Variants in PRKD1 observed in about 807,000 individuals in gnomAD.
PRKD1 encodes protein kinase D1, also known as serine/threonine-protein kinase D1.
Under a neutral mutation model 95.9 loss-of-function variants are expected in PRKD1, and 63 were observed. The observed-to-expected ratio is 0.66, with a 90% CI of 0.54 to 0.81. The LOEUF (loss-of-function observed/expected upper bound fraction) is 0.81, where lower values mean the gene tolerates loss of function less well. Among genes scored for constraint, PRKD1 ranks in the 30% least tolerant of loss-of-function variants. The probability of loss-of-function intolerance (pLI) is 0.00; values close to 1 mark genes in which losing one functional copy is unlikely to be tolerated. For synonymous variants in PRKD1, 425 were observed against 423.1 expected (o/e 1.00, Z -0.05); for missense variants, 1,048 against 1,165.3 (o/e 0.90, Z 1.47).
chr14:29,663,766 G>A lies in PRKD1; in HGVS notation c.629C>T (p.Thr210Ile). 1.2e-6 allele frequency: 2 copies of A among 1,614,062 alleles called. No individual in the cohort carries two copies. The highest frequency in any genetic ancestry group is 2.2e-5 in the South Asian group (2 of 91,074). Residue 210 changes from threonine (T) to isoleucine (I), a missense_variant, in exon 4 of 18, where the codon ACT (threonine) becomes ATT (isoleucine). By Grantham distance (89) the Thr-to-Ile change is moderately conservative. Around this residue, in one of 3 missense-constraint regions of PRKD1, gnomAD observed 275 missense variants for 248.6 expected, o/e 1.11. Transcript: ENST00000331968. The part of the protein sequence containing the change: ...RRRRLSNVSL[T>I]GVSTIRTSSA... ...TGATGTGCGGATGGTGCTGACCCCA[G>A]TGAGGGAAACGTTTGAGAGCCTTCT...
At chr14:29,848,567 A>G (rs1374655261) in intron 1 of PRKD1, among the ~76,000 whole-genome samples, 1 of 151,930 alleles carries the variant, frequency 6.6e-6, no homozygotes, top group Non-Finnish European at 1.5e-5. Flanking sequence ...AATTTTAAAA[A>G]GTATAAGGAA....
chr14:29,754,797 A>G (rs2139470224), intron 1 of PRKD1, among the ~76,000 whole-genome samples: 1 of 152,218 alleles, frequency 6.6e-6, no homozygotes, highest in South Asian at 2.1e-4. Flanking sequence ...AGACTGATTC[A>G]GCTATTTGTG....
intron 1 of PRKD1, among the ~76,000 whole-genome samples, chr14:29,847,234 C>T (rs1594573231): frequency 6.6e-6 from 1 of 152,174 alleles, no homozygotes; most frequent in African/African-American, 2.4e-5. Context: ...TATATTACCA[C>T]AGTAATTACA....
At chr14:29,713,316 C>T (rs1885424717) in intron 2 of PRKD1, among the ~76,000 whole-genome samples, 1 of 152,092 alleles carries the variant, frequency 6.6e-6, no homozygotes, top group Admixed American at 6.6e-5. Flanking sequence ...CATTTTTAAA[C>T]CTGCATTCAG....
At chr14:29,696,745 G>C (rs2139313616) in intron 2 of PRKD1, among the ~76,000 whole-genome samples, 1 of 152,216 alleles carries the variant, frequency 6.6e-6, no homozygotes, top group Non-Finnish European at 1.5e-5. Flanking sequence ...GAAATATTCA[G>C]TCATCTCAAT....
rs45473091 is a variant in PRKD1 at position 29,759,305 on chromosome 14, A to G, written c.265-33631T>C. Among the ~76,000 whole-genome samples, 1,215 of 152,276 alleles carry G rather than the reference A, an allele frequency of 8.0e-3. 18 individuals are homozygous for G. Among genetic ancestry groups the G allele is most frequent in the African/African-American group, 0.027 (1,125 of 41,552 alleles). ...GTAATTGGGAATATTCCATGTGCAC[A>G]CCTGAAAGAGCATGTCAATCACCTG... On this transcript the variant is annotated intron_variant, in intron 1 of 17. Coordinates refer to ENST00000331968, the MANE Select transcript of PRKD1 (RefSeq NM_002742.3).
At chr14:29,612,803 T>C (rs962105736) in intron 13 of PRKD1, among the ~76,000 whole-genome samples, 4 of 152,148 alleles carry the variant, frequency 2.6e-5, no homozygotes, top group Non-Finnish European at 5.9e-5. Context: ...AATAGTTTCA[T>C]AAAAATTCAT....
chr14:29,778,321 C>A (rs1339570176), intron 1 of PRKD1, among the ~76,000 whole-genome samples: 1 of 151,996 alleles, frequency 6.6e-6, no homozygotes, highest in African/African-American at 2.4e-5. Flanking sequence ...ACACAAAAAA[C>A]CCTTCAAAAA....
At chr14:29,703,428 G>A (rs1009568909) in intron 2 of PRKD1, among the ~76,000 whole-genome samples, 1 of 152,114 alleles carries the variant, frequency 6.6e-6, no homozygotes, top group Non-Finnish European at 1.5e-5. Context: ...TGGGTTTTGG[G>A]ACAGTTTCTA....
At chr14:29,899,481 T>C (rs1243148578) in intron 1 of PRKD1, among the ~76,000 whole-genome samples, 1 of 152,040 alleles carries the variant, frequency 6.6e-6, no homozygotes, top group Non-Finnish European at 1.5e-5. Flanking sequence ...ACCCCATCTC[T>C]ACTAAAAATA....
intron 16 of PRKD1, among the ~76,000 whole-genome samples, chr14:29,592,432 A>G (rs1333422000): frequency 1.3e-5 from 2 of 152,208 alleles, no homozygotes; most frequent in Non-Finnish European, 2.9e-5. Flanking sequence ...ACTCTGTTAC[A>G]TATTGCTTAT....
At chr14:29,701,990 C>A (rs1421708695) in intron 2 of PRKD1, among the ~76,000 whole-genome samples, 1 of 151,990 alleles carries the variant, frequency 6.6e-6, no homozygotes, top group African/African-American at 2.4e-5. Flanking sequence ...GAAATAAATT[C>A]CTTTGAAATT....
At chr14:29,744,450 C>T (rs1203001990) in intron 1 of PRKD1, among the ~76,000 whole-genome samples, 1 of 152,166 alleles carries the variant, frequency 6.6e-6, no homozygotes, top group Non-Finnish European at 1.5e-5. Context: ...GTCCAAGCCA[C>T]AACCTCTCCA....
intron 13 of PRKD1, among the ~76,000 whole-genome samples, chr14:29,621,627 C>T (rs1215100267): frequency 6.6e-6 from 1 of 152,214 alleles, no homozygotes; most frequent in East Asian, 1.9e-4. Context: ...ATTGAAAATT[C>T]GGTACATAAA....
intron 1 of PRKD1, among the ~76,000 whole-genome samples, chr14:29,878,538 T>G (rs1893388437): frequency 6.6e-6 from 1 of 152,024 alleles, no homozygotes; most frequent in Non-Finnish European, 1.5e-5. Context: ...ATAAACCAAC[T>G]GCAGTATATA....
intron 1 of PRKD1, among the ~76,000 whole-genome samples, chr14:29,742,742 A>T (rs1194860252): frequency 6.6e-6 from 1 of 152,236 alleles, no homozygotes; most frequent in Non-Finnish European, 1.5e-5. Flanking sequence ...TTTTTCATGC[A>T]TATAATCGAT....
intron 4 of PRKD1, 132 bp downstream of exon 4, chr14:29,663,567 C>T (rs1011549403): frequency 6.8e-6 from 7 of 1,029,328 alleles, no homozygotes; most frequent in Non-Finnish European, 1.0e-5. Context: ...AGCACAAGCC[C>T]TGAAGAAACA....
intron 1 of PRKD1, among the ~76,000 whole-genome samples, chr14:29,826,262 A>G (rs1487383126): frequency 0.012 from 72 of 6,032 alleles, 1 homozygote; most frequent in Middle Eastern, 0.33. Flanking sequence ...TGGAATATAT[A>G]TATACATATA....
At chr14:29,581,285 C>T (rs1413627590) in intron 16 of PRKD1, among the ~76,000 whole-genome samples, 1 of 152,108 alleles carries the variant, frequency 6.6e-6, no homozygotes, top group African/African-American at 2.4e-5. Context: ...GTGATCATCA[C>T]TGACCAACAT....
Sources: gnomAD v4.1 joint callset for allele counts (sites outside exome capture counted in the v4.1 genomes callset) on GRCh38, gnomAD v4.1.1 for gene constraint, gnomAD v4.1.1 regional missense constraint, MANE v1.5 for transcripts, NCBI Gene and HGNC (gene_info 2026-07-23, HGNC 2026-07-21) for gene names.